Variants in PRKN observed in about 807,000 individuals in gnomAD.
The protein encoded by PRKN is E3 ubiquitin-protein ligase parkin.
A neutral mutation model predicts 59.5 loss-of-function variants in PRKN; 56 were observed. That is an observed-to-expected ratio of 0.94 (90% confidence interval 0.76 to 1.18). The LOEUF (loss-of-function observed/expected upper bound fraction) is 1.18. Among genes scored for constraint, PRKN ranks in the 50% most tolerant of loss-of-function variants. PRKN has a pLI of 0.00. For missense variants in PRKN, 657 were observed against 596.4 expected (o/e 1.10, Z -1.06); for synonymous variants, 250 against 222.1 (o/e 1.13, Z -1.12).
intron 1 of PRKN, among the ~76,000 whole-genome samples, chr6:162,679,660 C>A (rs1311892730): frequency 9.9e-5 from 15 of 152,120 alleles, no homozygotes. Context: ...GTTGCAGCAT[C>A]AGCATCTCAA....
Position 161,722,406 on chromosome 6 carries a change from C to T in PRKN, c.871+63366G>A, listed in dbSNP as rs138206639. ...GTAGCACAGAGTTCTCCTCCTAACA[C>T]TGTATTATAATTTAGTTAGCTCAGC... On this transcript the variant is annotated intron_variant, in intron 7 of 11. Coordinates refer to ENST00000366898, the MANE Select transcript of PRKN (RefSeq NM_004562.3). 9.7e-4 allele frequency among the ~76,000 whole-genome samples: 147 copies of T among 152,272 alleles called. 1 individual carries two copies. The South Asian group carries it at 0.018, about 18-fold the overall frequency.
chr6:162,609,362 C>T (rs1328049327), intron 1 of PRKN, among the ~76,000 whole-genome samples: 1 of 152,102 alleles, frequency 6.6e-6, no homozygotes, highest in Non-Finnish European at 1.5e-5. Context: ...ACATTTGACT[C>T]AAAAATATTT....
At chr6:161,654,407 G>A (rs750518441) in intron 7 of PRKN, among the ~76,000 whole-genome samples, 1 of 152,060 alleles carries the variant, frequency 6.6e-6, no homozygotes, top group Non-Finnish European at 1.5e-5. Context: ...CTTCCGGGAG[G>A]ACGCACTGAT....
chr6:162,027,452 C>T (rs867949540), intron 5 of PRKN, among the ~76,000 whole-genome samples: 1 of 152,078 alleles, frequency 6.6e-6, no homozygotes, highest in Non-Finnish European at 1.5e-5. Flanking sequence ...CCTGCGAGTG[C>T]GACAAACCTC....
At chr6:161,464,072 T>C (rs1790334319) in intron 9 of PRKN, among the ~76,000 whole-genome samples, 1 of 152,118 alleles carries the variant, frequency 6.6e-6, no homozygotes, top group Non-Finnish European at 1.5e-5. Flanking sequence ...TGGAGTGCAA[T>C]GGTGCAATCT....
chr6:162,482,184 A>G (rs1467433530), intron 1 of PRKN, among the ~76,000 whole-genome samples: 1 of 152,206 alleles, frequency 6.6e-6, no homozygotes, highest in Non-Finnish European at 1.5e-5. Flanking sequence ...GGCTCCTTAA[A>G]GATCCTTTTC....
At chr6:161,988,011 A>G (rs1562440289) in intron 5 of PRKN, among the ~76,000 whole-genome samples, 1 of 152,160 alleles carries the variant, frequency 6.6e-6, no homozygotes, top group Non-Finnish European at 1.5e-5. Context: ...CAGGCTTATC[A>G]TTATAGAACA....
chr6:162,484,670 C>T (rs1792461865), intron 1 of PRKN, among the ~76,000 whole-genome samples: 1 of 152,176 alleles, frequency 6.6e-6, no homozygotes, highest in Admixed American at 6.5e-5. Context: ...CTGAGATCAA[C>T]AGTGCTTTTA....
intron 4 of PRKN, among the ~76,000 whole-genome samples, chr6:162,199,071 G>A (rs769775834): frequency 1.3e-5 from 2 of 152,064 alleles, no homozygotes; most frequent in South Asian, 2.1e-4. Context: ...TGGCAGAAGC[G>A]ACTTTTCAAC....
At chr6:161,958,769 A>G (rs1161931948) in intron 6 of PRKN, among the ~76,000 whole-genome samples, 1 of 152,080 alleles carries the variant, frequency 6.6e-6, no homozygotes, top group Non-Finnish European at 1.5e-5. Flanking sequence ...AATCCCAGCT[A>G]CTTGGGAGGC....
At chr6:161,812,307 G>C (rs922384159) in intron 6 of PRKN, among the ~76,000 whole-genome samples, 1 of 152,048 alleles carries the variant, frequency 6.6e-6, no homozygotes, top group Non-Finnish European at 1.5e-5. Flanking sequence ...GCAGGGGGTG[G>C]GAGTCCCTTT....
At position 161,722,782 on chromosome 6, in the gene PRKN, G is replaced by C. The variant is rs574280747; in HGVS notation, c.871+62990C>G. Among the ~76,000 whole-genome samples the C allele has an allele frequency of 1.4e-3, 217 of 152,112 alleles. 2 individuals carry two copies. Among genetic ancestry groups the C allele is most frequent in the African/African-American group, 5.1e-3 (213 of 41,516 alleles). On this transcript the variant is annotated intron_variant, in intron 7 of 11. Coordinates refer to ENST00000366898, the MANE Select transcript of PRKN (RefSeq NM_004562.3). The stretch of plus-strand genomic sequence containing the variant: ...AATTTGTCTATGCCTCTTATTTAAG[G>C]AATTGTTTGGTCTTGCATTTTTACA...
chr6:161,600,635 A>T (rs1192016363), intron 7 of PRKN, among the ~76,000 whole-genome samples: 1 of 152,164 alleles, frequency 6.6e-6, no homozygotes, highest in Non-Finnish European at 1.5e-5. Flanking sequence ...ATGCAGATTG[A>T]TGCTACATCT....
At position 161,817,839 on chromosome 6, in the gene PRKN, A is replaced by G. The variant is rs145749728; in HGVS notation, c.735-31931T>C. 3.1e-3 allele frequency among the ~76,000 whole-genome samples: 471 copies of G among 152,332 alleles called. 2 individuals are homozygous for G. The highest frequency in any genetic ancestry group is 0.011 in the African/African-American group (447 of 41,578). Reference sequence around the variant, plus strand: ...TAAATTTCCTCAACCCAATATTTTCAAAAAGAACTTGACCTGCCAAGCTTC... The same window carrying G: ...TAAATTTCCTCAACCCAATATTTTCGAAAAGAACTTGACCTGCCAAGCTTC... On this transcript the variant is annotated intron_variant, in intron 6 of 11. Transcript: ENST00000366898.
chr6:162,290,520 G>A (rs1781384221), intron 2 of PRKN, among the ~76,000 whole-genome samples: 1 of 152,068 alleles, frequency 6.6e-6, no homozygotes, highest in African/African-American at 2.4e-5. Flanking sequence ...CATGTTAAAT[G>A]TCAGATTAAG....
At chr6:161,375,702 T>C (rs929476112) in intron 10 of PRKN, among the ~76,000 whole-genome samples, 11 of 152,138 alleles carry the variant, frequency 7.2e-5, no homozygotes, top group Non-Finnish European at 1.3e-4. Context: ...CCAAGGGCCA[T>C]TTCTGCTGCC....
In PRKN at chr6:161,578,441, C is replaced by T. The variant is rs745321655; in HGVS notation, c.872-9025G>A. 1.3e-5 allele frequency among the ~76,000 whole-genome samples: 2 copies of T among 152,232 alleles called. No homozygotes were observed. The highest frequency in any genetic ancestry group is 1.5e-5 in the Non-Finnish European group (1 of 68,034). ...CCATCTCTCTTAACAGGAAATCAGACGGTTCACCTGGGCAATAATAGCTCT... is the reference window on the plus strand; with the variant it reads ...CCATCTCTCTTAACAGGAAATCAGATGGTTCACCTGGGCAATAATAGCTCT... On this transcript the variant is annotated intron_variant, in intron 7 of 11. Coordinates refer to ENST00000366898, the MANE Select transcript of PRKN (RefSeq NM_004562.3). This position sits in a 1 kb window ranked among gnomAD's most constrained non-coding sequence, Gnocchi z 4.2.
At chr6:161,771,355 C>CAAAAA (rs1208813487) in intron 7 of PRKN, among the ~76,000 whole-genome samples, 3 of 20,706 alleles carry the variant, frequency 1.4e-4, no homozygotes, top group African/African-American at 1.9e-4. Context: ...GACTCCACCT[C>CAAAAA]AAAAAAAAAA....
rs1168723769 is a variant in PRKN, at chr6:161,457,219, T to G, written c.1084-70342A>C. Among the ~76,000 whole-genome samples, 1 of 152,296 alleles carries G rather than the reference T, an allele frequency of 6.6e-6. No homozygotes were observed. The highest frequency in any genetic ancestry group is 1.9e-4 in the East Asian group (1 of 5,182). ...TAAAGCCAAGGCTAATAATAATGCA[T>G]TCCATTACTTTTCCTACACATGTGT... is the stretch of plus-strand genomic sequence containing the variant. On this transcript the variant is annotated intron_variant, in intron 9 of 11. Coordinates refer to ENST00000366898, the MANE Select transcript of PRKN (RefSeq NM_004562.3). The surrounding 1 kb of genome is among the most constrained non-coding windows in gnomAD (Gnocchi z 5.0).
Sources: gnomAD v4.1 joint callset for allele counts (sites outside exome capture counted in the v4.1 genomes callset) on GRCh38, gnomAD v4.1.1 for gene constraint, Gnocchi (gnomAD v3.1) non-coding constraint, MANE v1.5 for transcripts, NCBI Gene and HGNC (gene_info 2026-07-23, HGNC 2026-07-21) for gene names.